Variants in GALNTL6 observed in about 807,000 individuals in gnomAD.
GALNTL6 encodes the protein polypeptide N-acetylgalactosaminyltransferase-like 6.
In GALNTL6, 46 loss-of-function variants were observed where a neutral mutation model predicts 73.7. The ratio of observed to expected loss-of-function variants is 0.62; its 90% confidence interval spans 0.49 to 0.80. The LOEUF is 0.80. GALNTL6 is among the 30% of genes least tolerant of loss of function. GALNTL6 has a pLI of 0.00. For missense variants in GALNTL6, 604 were observed against 755.0 expected (o/e 0.80, Z 2.34); for synonymous variants, 259 against 263.7 (o/e 0.98, Z 0.17).
intron 5 of GALNTL6, among the ~76,000 whole-genome samples, chr4:172,544,554 C>T (rs572939552): frequency 6.6e-6 from 1 of 152,282 alleles, no homozygotes; most frequent in Non-Finnish European, 1.5e-5. Context: ...AGTTTACATT[C>T]CTTCCTTCTC....
At chr4:172,032,541 T>A (rs543755037) in intron 2 of GALNTL6, among the ~76,000 whole-genome samples, 1 of 152,198 alleles carries the variant, frequency 6.6e-6, no homozygotes, top group South Asian at 2.1e-4. Context: ...CTTATCTATG[T>A]TTCTGCACAC....
chr4:172,091,261 T>C (rs1189674180), intron 2 of GALNTL6, among the ~76,000 whole-genome samples: 2 of 152,212 alleles, frequency 1.3e-5, no homozygotes. Flanking sequence ...ATATAGAGTC[T>C]TTTTAAGCTG....
chr4:172,247,686 G>A (rs545242101), intron 3 of GALNTL6, among the ~76,000 whole-genome samples: 1 of 152,246 alleles, frequency 6.6e-6, no homozygotes, highest in African/African-American at 2.4e-5. Context: ...CATTAGATGA[G>A]TTAAGTCTCA....
chr4:172,787,668 G>A (rs1739738111), intron 5 of GALNTL6, among the ~76,000 whole-genome samples: 1 of 152,210 alleles, frequency 6.6e-6, no homozygotes, highest in South Asian at 2.1e-4. Context: ...AAATCACCAG[G>A]AGGATCACTG....
At chr4:171,839,725 A>C (rs1395133096) in intron 2 of GALNTL6, among the ~76,000 whole-genome samples, 1 of 152,050 alleles carries the variant, frequency 6.6e-6, no homozygotes, top group African/African-American at 2.4e-5. Flanking sequence ...ATTTTGAGTT[A>C]CCAAGGTTAA....
At chr4:172,402,678 G>A (rs1005697803) in intron 5 of GALNTL6, among the ~76,000 whole-genome samples, 1 of 151,942 alleles carries the variant, frequency 6.6e-6, no homozygotes, top group Non-Finnish European at 1.5e-5. Context: ...TGAAAAAAAA[G>A]CACTTCTCCT....
At chr4:172,202,632 T>G (rs931308733) in intron 2 of GALNTL6, among the ~76,000 whole-genome samples, 3 of 152,160 alleles carry the variant, frequency 2.0e-5, no homozygotes, top group African/African-American at 7.2e-5. Flanking sequence ...AATGTACTTG[T>G]GAAATCAGTG....
At chr4:171,943,229 T>A (rs928735652) in intron 2 of GALNTL6, among the ~76,000 whole-genome samples, 1 of 152,180 alleles carries the variant, frequency 6.6e-6, no homozygotes, top group African/African-American at 2.4e-5. Flanking sequence ...CACAAGTACA[T>A]CAGTAACTCT....
intron 2 of GALNTL6, among the ~76,000 whole-genome samples, chr4:172,057,905 C>G (rs1393304286): frequency 6.6e-6 from 1 of 151,466 alleles, no homozygotes; most frequent in African/African-American, 2.4e-5. Context: ...GAACATAGCT[C>G]TTTCCTGAGA....
rs188189695 is a variant in GALNTL6, at chr4:172,069,467, A to G, written c.139-160189A>G. ...ATATGTAATATATAACACACATATAACATATATGTTATATATAACACATAT... is the reference window on the plus strand; with the variant it reads ...ATATGTAATATATAACACACATATAGCATATATGTTATATATAACACATAT... On this transcript the variant is annotated intron_variant, in intron 2 of 12. Coordinates refer to ENST00000506823, the MANE Select transcript of GALNTL6 (RefSeq NM_001034845.3). Among the ~76,000 whole-genome samples, 8 of 52,978 alleles carry G rather than the reference A, an allele frequency of 1.5e-4. 3 individuals are homozygous for G. Among genetic ancestry groups the G allele is most frequent in the Non-Finnish European group, 2.4e-4 (5 of 20,824 alleles). 34.8% of individuals were successfully genotyped at this position (52,978 alleles called of 152,430 possible). A position where few individuals can be genotyped will look rare whatever the true frequency, so the allele number is the denominator to read the frequency against.
chr4:172,929,404 T>C (rs546312704), intron 8 of GALNTL6, among the ~76,000 whole-genome samples: 2 of 152,308 alleles, frequency 1.3e-5, no homozygotes, highest in South Asian at 4.2e-4. Context: ...TCAAGATATG[T>C]ATCTGTATTA....
chr4:172,465,297 G>C (rs928889086), intron 5 of GALNTL6, among the ~76,000 whole-genome samples: 6 of 152,064 alleles, frequency 3.9e-5, no homozygotes, highest in Non-Finnish European at 8.8e-5. Flanking sequence ...CTAACACGGT[G>C]AAACCCCATC....
intron 3 of GALNTL6, among the ~76,000 whole-genome samples, chr4:172,271,218 G>A (rs568225269): frequency 3.2e-4 from 48 of 152,186 alleles, no homozygotes; most frequent in African/African-American, 1.2e-3. Flanking sequence ...TATATACGTT[G>A]CCTCACCAGA....
At chr4:172,498,225 T>A (rs1217476733) in intron 5 of GALNTL6, among the ~76,000 whole-genome samples, 1 of 151,526 alleles carries the variant, frequency 6.6e-6, no homozygotes, top group Non-Finnish European at 1.5e-5. Context: ...CTTGACCTCG[T>A]GATCCATCTG....
chr4:172,201,531 T>A (rs1290876494), intron 2 of GALNTL6, among the ~76,000 whole-genome samples: 1 of 151,934 alleles, frequency 6.6e-6, no homozygotes, highest in Admixed American at 6.6e-5. Flanking sequence ...TTTTTTGTTT[T>A]TGTTTTTAAT....
chr4:172,296,304 TG>T (rs1383005709), intron 3 of GALNTL6, among the ~76,000 whole-genome samples: 6 of 152,216 alleles, frequency 3.9e-5, no homozygotes, highest in Admixed American at 3.9e-4. Context: ...ATTGTATTTT[TG>T]GAATAAATCT....
intron 4 of GALNTL6, among the ~76,000 whole-genome samples, chr4:172,323,733 T>C (rs2111168447): frequency 6.6e-6 from 1 of 152,244 alleles, no homozygotes; most frequent in African/African-American, 2.4e-5. Context: ...ACCTGAACTG[T>C]CATCTATCAG....
intron 5 of GALNTL6, among the ~76,000 whole-genome samples, chr4:172,498,104 C>T (rs1424777191): frequency 3.3e-5 from 5 of 150,748 alleles, no homozygotes; most frequent in Non-Finnish European, 2.9e-5. Context: ...GACTCTCCTG[C>T]CTCAGCCTCC....
At chr4:172,418,953 A>C (rs573330917) in intron 5 of GALNTL6, among the ~76,000 whole-genome samples, 14 of 152,184 alleles carry the variant, frequency 9.2e-5, no homozygotes, top group African/African-American at 3.4e-4. Context: ...GAGATTTATC[A>C]AGCAATAGGG....
Sources: allele counts gnomAD v4.1 joint callset (sites outside exome capture counted in the v4.1 genomes callset), GRCh38; gene constraint gnomAD v4.1.1; transcripts MANE v1.5; gene names NCBI Gene and HGNC (gene_info 2026-07-23, HGNC 2026-07-21).